MAPK6: variants seen among roughly 807,000 people sequenced by gnomAD.
MAPK6 encodes ERK-3.
MAPK6 carries 19 observed loss-of-function variants against 59.3 expected under a neutral mutation model. The observed-to-expected ratio is 0.32, with a 90% CI of 0.22 to 0.47. The LOEUF is 0.47. MAPK6 is among the 20% of genes least tolerant of loss of function. The pLI, the probability that MAPK6 is intolerant of heterozygous loss-of-function variation, is 1.00. For missense variants in MAPK6, 724 were observed against 847.9 expected, an observed-to-expected ratio of 0.85 and a Z score of 1.81; for synonymous variants, 316 against 290.3, an observed-to-expected ratio of 1.09 and a Z score of -0.90.
At chr15:52,029,313 G>GT (rs546586019) in intron 1 of MAPK6, among the ~76,000 whole-genome samples, 54 of 150,782 alleles carry the variant, frequency 3.6e-4, no homozygotes, top group Non-Finnish European at 5.9e-4. Context: ...ACCTAGCTTT[G>GT]TTTTTTTTTA....
rs538434038 is a variant in MAPK6, at chr15:51,983,508, C to A, written c.-770+193C>A. Among the ~76,000 whole-genome samples, 761 of 145,408 alleles carry A rather than the reference C, an allele frequency of 5.2e-3. 7 individuals are homozygous for A. Among genetic ancestry groups the A allele is most frequent in the African/African-American group, 0.019 (716 of 38,386 alleles). On this transcript the variant is annotated intron_variant, in intron 2 of 7. Coordinates refer to the MAPK6 transcript ENST00000691380. ...ACAAGCAAACAAAAAACGACAACAACAAAAAAAAACAGGACAACAGGGCTG... is the reference window on the plus strand; with the variant it reads ...ACAAGCAAACAAAAAACGACAACAAAAAAAAAAAACAGGACAACAGGGCTG...
At chr15:52,062,146 C>T (rs933323018) in intron 5 of MAPK6, among the ~76,000 whole-genome samples, 1 of 149,834 alleles carries the variant, frequency 6.7e-6, no homozygotes, top group Non-Finnish European at 1.5e-5. Flanking sequence ...GTGATGCAAG[C>T]TCAGCTCACT....
chr15:52,043,035 G>C (rs1325944662), intron 1 of MAPK6, among the ~76,000 whole-genome samples: 1 of 152,090 alleles, frequency 6.6e-6, no homozygotes. Flanking sequence ...GAGGGGCTGA[G>C]GTGGGAGGAT....
intron 2 of MAPK6, among the ~76,000 whole-genome samples, chr15:51,991,337 A>G (rs2057208178): frequency 1.3e-5 from 2 of 152,122 alleles, no homozygotes; most frequent in South Asian, 2.1e-4. Context: ...CAAAAAGACA[A>G]ACACCTTCAC....
chr15:51,999,635 A>G (rs1462494833), intron 2 of MAPK6, among the ~76,000 whole-genome samples: 1 of 150,146 alleles, frequency 6.7e-6, no homozygotes, highest in Non-Finnish European at 1.5e-5. Flanking sequence ...CCCTCTTTTT[A>G]TTTATTTATG....
At chr15:51,985,563 G>A (rs767672361) in intron 2 of MAPK6, among the ~76,000 whole-genome samples, 18 of 152,052 alleles carry the variant, frequency 1.2e-4, no homozygotes, top group Non-Finnish European at 2.1e-4. Context: ...GCTGAGGCAG[G>A]AGAATTTCTT....
chr15:52,022,837 G>T (rs1368482263), intron 1 of MAPK6, among the ~76,000 whole-genome samples: 1 of 152,054 alleles, frequency 6.6e-6, no homozygotes, highest in Non-Finnish European at 1.5e-5. Flanking sequence ...GAGGCCGGGG[G>T]CAGTGGCTAA....
chr15:52,033,513 C>T (rs1313511271), intron 1 of MAPK6, among the ~76,000 whole-genome samples: 1 of 152,234 alleles, frequency 6.6e-6, no homozygotes, highest in Non-Finnish European at 1.5e-5. Flanking sequence ...GGACTCTTGA[C>T]TTAGACCAGT....
intron 1 of MAPK6, among the ~76,000 whole-genome samples, chr15:52,029,196 C>T (rs2030932156): frequency 6.6e-6 from 1 of 152,178 alleles, no homozygotes; most frequent in Non-Finnish European, 1.5e-5. Context: ...CACCACCACG[C>T]CTGGCTAATT....
upstream of MAPK6, chr15:52,017,428 C>T (rs2001741): frequency 0.055 from 8,398 of 152,238 alleles, 454 homozygotes; most frequent in African/African-American, 0.13. Context: ...ACAAAGTACA[C>T]TGATCAGTTA....
intron 3 of MAPK6, among the ~76,000 whole-genome samples, chr15:52,005,792 T>C (rs1489759250): frequency 1.3e-5 from 2 of 152,126 alleles, no homozygotes; most frequent in African/African-American, 2.4e-5. Context: ...GAACTGGGGC[T>C]TACACCTAGG....
At chr15:52,034,497 A>G (rs984407130) in intron 1 of MAPK6, among the ~76,000 whole-genome samples, 1 of 151,298 alleles carries the variant, frequency 6.6e-6, no homozygotes, top group African/African-American at 2.4e-5. Context: ...TTTTGTAGAG[A>G]CGGGGTTTCA....
intron 2 of MAPK6, among the ~76,000 whole-genome samples, chr15:51,998,561 G>A (rs2057232589): frequency 7.6e-6 from 1 of 132,252 alleles, no homozygotes; most frequent in Admixed American, 7.9e-5. Flanking sequence ...TCACTCTATT[G>A]CCCAGGCTGG....
upstream of MAPK6, chr15:52,019,146 G>C (rs2030376796): frequency 6.6e-6 from 1 of 152,224 alleles, no homozygotes; most frequent in African/African-American, 2.4e-5. Flanking sequence ...GCGCTGGGCA[G>C]GGCGGGGGCG....
intron 4 of MAPK6, among the ~76,000 whole-genome samples, chr15:52,060,981 G>A (rs1156912170): frequency 1.3e-5 from 2 of 152,220 alleles, no homozygotes; most frequent in Non-Finnish European, 2.9e-5. Flanking sequence ...CCAGTGACTT[G>A]CAGAGCTAGG....
upstream of MAPK6, among the ~76,000 whole-genome samples, chr15:52,016,064 G>GCACACACACACACA (rs1219275611): frequency 1.8e-5 from 1 of 54,954 alleles, no homozygotes; most frequent in African/African-American, 6.6e-5. Flanking sequence ...GCGCGCGCGC[G>GCACACACACACACA]CGCGCGCACA....
intron 1 of MAPK6, among the ~76,000 whole-genome samples, chr15:51,981,296 A>G (rs1213956942): frequency 6.6e-6 from 1 of 151,618 alleles, no homozygotes; most frequent in Non-Finnish European, 1.5e-5. Flanking sequence ...ACACGGTGAA[A>G]CCCCGTCTCT....
intron 1 of MAPK6, among the ~76,000 whole-genome samples, chr15:52,026,086 C>G (rs924399959): frequency 1.3e-5 from 2 of 152,144 alleles, no homozygotes; most frequent in Admixed American, 6.6e-5. Flanking sequence ...TCCATCTTAA[C>G]AGGTATTTTC....
chr15:51,976,579 G>A (rs2057158094), intron 1 of MAPK6, among the ~76,000 whole-genome samples: 3 of 151,744 alleles, frequency 2.0e-5, no homozygotes, highest in Admixed American at 2.0e-4. Flanking sequence ...GGCATATGAA[G>A]AATCTGGAAT....
Sources: allele counts gnomAD v4.1 joint callset (sites outside exome capture counted in the v4.1 genomes callset), GRCh38; gene constraint gnomAD v4.1.1; transcripts MANE v1.5; gene names NCBI Gene and HGNC (gene_info 2026-07-23, HGNC 2026-07-21).